The following CXCL2 variants were observed in gnomAD, a reference collection of about 807,000 sequenced individuals.
CXCL2 encodes C-X-C motif chemokine 2.
Under a neutral mutation model 11.2 loss-of-function variants are expected in CXCL2, and 12 were observed. The observed-to-expected ratio is 1.08, with a 90% confidence interval of 0.69 to 1.74. CXCL2 has a LOEUF of 1.74. Among genes scored for constraint, CXCL2 ranks in the 40% most tolerant of loss-of-function variants. CXCL2 has a pLI of 0.00. For missense variants in CXCL2, 120 were observed against 137.8 expected, an observed-to-expected ratio of 0.87 and a Z score of 0.65; for synonymous variants, 68 against 61.9, an observed-to-expected ratio of 1.10 and a Z score of -0.47.
chr4:74,098,650 T>TGA lies in CXCL2; in HGVS notation c.257_258dup (p.Asn87SerfsTer16). 1 of 1,614,114 alleles carries TGA rather than the reference T, an allele frequency of 6.2e-7. No homozygotes were observed. Among genetic ancestry groups the TGA allele is most frequent in the Non-Finnish European group, 8.5e-7 (1 of 1,179,998 alleles). ...TTCTTAACCATGGGCGATGCGGGGT[T>TGA]GAGACAAGCTTTCTGCCCATTCTTG... On this transcript the variant is annotated frameshift_variant, in exon 3 of 4. Transcript: ENST00000508487. LOFTEE classifies it low-confidence loss of function (END_TRUNC).
In CXCL2 at chr4:74,098,639, C is replaced by G. The variant is rs200989587; in HGVS notation, c.270G>C (p.Ser90=). 10 of 1,614,082 alleles carry G rather than the reference C, an allele frequency of 6.2e-6. No homozygotes were observed. In the South Asian group the frequency reaches 7.7e-5, roughly 12 times the overall value. The change falls in exon 3 of 4, where the codon TCG becomes TCC. Residue 90 remains serine, a synonymous_variant. Coordinates refer to ENST00000508487, the MANE Select transcript of CXCL2 (RefSeq NM_002089.4). The part of the protein sequence containing the change: ...NGQKACLNPA[S]PMVKKIIEKM... Reference sequence around the variant, plus strand: ...TTTCGATGATTTTCTTAACCATGGGCGATGCGGGGTTGAGACAAGCTTTCT... The same window carrying G: ...TTTCGATGATTTTCTTAACCATGGGGGATGCGGGGTTGAGACAAGCTTTCT...
chr4:74,098,587 AAATTAT>A lies in CXCL2; in HGVS notation c.308+8_308+13del, dbSNP rs1560391986. The A allele has an allele frequency of 2.5e-6, 4 of 1,613,530 alleles. No individual in the cohort carries two copies. The South Asian group carries it at 4.4e-5, about 18-fold the overall frequency. On this transcript the variant is annotated splice_region_variant and intron_variant, in intron 3 of 3. Coordinates refer to ENST00000508487, the MANE Select transcript of CXCL2 (RefSeq NM_002089.4). ...CAGCTCCAGTCGCCTGTGTACATGG[AAATTAT>A]AACTTACTTTTTCAGCATCTTTTCG...
At chr4:74,097,845 T>C in intron 3 of CXCL2, 74 bp from the exon 4 acceptor site, 1 of 1,437,282 alleles carries the variant, frequency 7.0e-7, no homozygotes, top group Non-Finnish European at 9.3e-7. Flanking sequence ...TCCTGTCCTG[T>C]TTCCCCAGGC....
At chr4:74,097,814 G>A (rs1451993728) in intron 3 of CXCL2, 43 bp from the exon 4 acceptor site, 11 of 1,566,480 alleles carry the variant, frequency 7.0e-6, no homozygotes, top group Non-Finnish European at 8.7e-6. Flanking sequence ...GCTCAGGAAA[G>A]CTGACTGCAC....
Position 74,099,114 on chromosome 4 carries a change from G to A in CXCL2, c.7C>T (p.Arg3Cys). MARATLSAAPSNP... is the reference protein window; with the variant it reads MACATLSAAPSNP... ...CTGGGGGCGGCGGAGAGCGTGGCGC[G>A]GGCCATGGGGCTCAGCAGGCGGTTC... The change falls in exon 1 of 4, where the codon CGC (arginine) becomes TGC (cysteine). Residue 3 changes from arginine (R) to cysteine (C), a missense_variant. Arg to Cys is a radical substitution (Grantham distance 180). Transcript: ENST00000508487. 6.7e-7 allele frequency: 1 copy of A among 1,492,260 alleles called. No individual in the cohort carries two copies. 92.4% of individuals were successfully genotyped at this position (1,492,260 alleles called of 1,614,324 possible).
intron 3 of CXCL2, chr4:74,098,389 G>A (rs897301284): frequency 1.7e-5 from 9 of 526,382 alleles, no homozygotes; most frequent in Non-Finnish European, 3.0e-5. Flanking sequence ...TTCACTGGCA[G>A]GAGGGAAGAA....
Position 74,097,679 on chromosome 4 carries a change from C to A in CXCL2, c.*77G>T. 6.8e-7 allele frequency: 1 copy of A among 1,465,718 alleles called. No individual in the cohort carries two copies. The highest frequency in any genetic ancestry group is 1.6e-5 in the South Asian group (1 of 63,716). The allele number at this position is 1,465,718 out of a possible 1,614,324, so 90.8% of individuals were successfully genotyped here. On this transcript the variant is annotated 3_prime_UTR_variant, in exon 4 of 4. Transcript: ENST00000508487. Reference sequence around the variant, plus strand: ...CCAGGTGGCCTCTGCAGCTGTGTCTCTCTTTCCTCTTCTGTTCCTGTAAGG... The same window carrying A: ...CCAGGTGGCCTCTGCAGCTGTGTCTATCTTTCCTCTTCTGTTCCTGTAAGG...
Position 74,097,628 on chromosome 4 carries a change from T to C in CXCL2, c.*128A>G, listed in dbSNP as rs769750926. On this transcript the variant is annotated 3_prime_UTR_variant, in exon 4 of 4. Coordinates refer to ENST00000508487, the MANE Select transcript of CXCL2 (RefSeq NM_002089.4). ...AAATAAATAGAAGACTTCTCCTAAGTGATGCTCAAACACATTAGGCGCAAT... is the reference window on the plus strand; with the variant it reads ...AAATAAATAGAAGACTTCTCCTAAGCGATGCTCAAACACATTAGGCGCAAT... 5 of 651,466 alleles carry C rather than the reference T, an allele frequency of 7.7e-6. No individual in the cohort carries two copies. The highest frequency in any genetic ancestry group is 1.2e-5 in the Non-Finnish European group (5 of 432,268). 40.4% of individuals were successfully genotyped at this position (651,466 alleles called of 1,614,324 possible).
intron 2 of CXCL2, 37 bp from the exon 3 acceptor site, chr4:74,098,721 G>T (rs199752288): frequency 2.5e-6 from 4 of 1,613,940 alleles, no homozygotes; most frequent in Non-Finnish European, 3.4e-6. Context: ...ACAGGAGGTC[G>T]GGCTGAGGAC....
At chr4:74,098,236 A>G (rs898860435) in intron 3 of CXCL2, among the ~76,000 whole-genome samples, 2 of 152,224 alleles carry the variant, frequency 1.3e-5, no homozygotes, top group African/African-American at 4.8e-5. Flanking sequence ...AACTTTTACA[A>G]AAAACCAGGG....
chr4:74,098,435 T>C (rs1721327080), intron 3 of CXCL2, 166 bp downstream of exon 3: 2 of 716,374 alleles, frequency 2.8e-6, no homozygotes, highest in Admixed American at 3.0e-5. Flanking sequence ...GAATATCCTC[T>C]GGCACCAGAA....
Position 74,098,889 on chromosome 4 carries a change from C to G in CXCL2, c.134G>C (p.Cys45Ser), listed in dbSNP as rs1252486364. Reference protein sequence around the residue: ...APLATELRCQCLQTLQGIHLK... With the variant: ...APLATELRCQSLQTLQGIHLK... Reference sequence around the variant, plus strand: ...GTGAATTCCCTGCAGGGTCTGCAAGCACTGGCAGCGCAGTTCAGTGGCCAG... The same window carrying G: ...GTGAATTCCCTGCAGGGTCTGCAAGGACTGGCAGCGCAGTTCAGTGGCCAG... The change falls in exon 2 of 4, where the codon TGC (cysteine) becomes TCC (serine). Residue 45 changes from cysteine to serine, a missense_variant. By Grantham distance (112) the Cys-to-Ser change is moderately radical. Transcript: ENST00000508487. 6.2e-7 allele frequency: 1 copy of G among 1,614,074 alleles called. No homozygotes were observed. The highest frequency in any genetic ancestry group is 8.5e-7 in the Non-Finnish European group (1 of 1,180,038).
At position 74,097,170 on chromosome 4, in the gene CXCL2, A is replaced by G. The variant is rs996245374; in HGVS notation, c.*586T>C. ...AGGCAGTATGCCTTACAAGAAAGAC[A>G]TAAAATGTCCAAGGGATATTTAGAA... is the stretch of plus-strand genomic sequence containing the variant. On this transcript the variant is annotated 3_prime_UTR_variant, in exon 4 of 4. Transcript: ENST00000508487. 4 of 152,278 alleles carry G rather than the reference A, an allele frequency of 2.6e-5. No individual in the cohort carries two copies. The highest frequency in any genetic ancestry group is 9.6e-5 in the African/African-American group (4 of 41,480). The allele number at this position is 152,278 out of a possible 1,614,324, so 9.4% of individuals were successfully genotyped here. A position where few individuals can be genotyped will look rare whatever the true frequency, so the allele number is the denominator to read the frequency against.
rs986423143 is a variant in CXCL2 at position 74,097,828 on chromosome 4, A to C, written c.309-57T>G. ...TGCTCAGGAAAGCTGACTGCACAACAGTCTTCTCCTGTCCTGTTTCCCCAG... is the reference window on the plus strand; with the variant it reads ...TGCTCAGGAAAGCTGACTGCACAACCGTCTTCTCCTGTCCTGTTTCCCCAG... On this transcript the variant is annotated intron_variant, in intron 3 of 3. Coordinates refer to ENST00000508487, the MANE Select transcript of CXCL2 (RefSeq NM_002089.4). 2.0e-6 allele frequency: 3 copies of C among 1,526,972 alleles called. No homozygotes were observed. The African/African-American group carries it at 4.2e-5, about 21-fold the overall frequency. The allele number at this position is 1,526,972 out of a possible 1,614,324, so 94.6% of individuals were successfully genotyped here.
chr4:74,098,408 G>A, intron 3 of CXCL2, 193 bp downstream of exon 3: 2 of 581,914 alleles, frequency 3.4e-6, no homozygotes, highest in East Asian at 3.2e-5. Flanking sequence ...AACCTGGGTG[G>A]TGACCCTGGG....
At chr4:74,098,721 G>C (rs199752288) in intron 2 of CXCL2, 37 bp from the exon 3 acceptor site, 2 of 1,613,822 alleles carry the variant, frequency 1.2e-6, no homozygotes, top group African/African-American at 1.3e-5. Context: ...ACAGGAGGTC[G>C]GGCTGAGGAC....
chr4:74,098,433 T>A (rs1721327024), intron 3 of CXCL2, 168 bp downstream of exon 3: 1 of 710,094 alleles, frequency 1.4e-6, no homozygotes, highest in South Asian at 2.0e-5. Context: ...GGGAATATCC[T>A]CTGGCACCAG....
chr4:74,098,507 C>A, intron 3 of CXCL2, 94 bp downstream of exon 3: 2 of 1,317,566 alleles, frequency 1.5e-6, no homozygotes, highest in Admixed American at 1.9e-5. Flanking sequence ...CTGCAGCTAA[C>A]CCTGGGTTTT....
At chr4:74,098,998 G>T in intron 1 of CXCL2, 23 bp downstream of exon 1, 1 of 1,555,236 alleles carries the variant, frequency 6.4e-7, no homozygotes, top group Non-Finnish European at 8.6e-7. Context: ...CCGGCCCGGG[G>T]ACCCCAGGGC....
Sources: allele counts gnomAD v4.1 joint callset (sites outside exome capture counted in the v4.1 genomes callset), GRCh38; gene constraint gnomAD v4.1.1; transcripts MANE v1.5; gene names NCBI Gene and HGNC (gene_info 2026-07-23, HGNC 2026-07-21).